Variants in GPM6A observed in about 807,000 individuals in gnomAD.
GPM6A encodes the protein neuronal membrane glycoprotein M6-a.
GPM6A carries 7 observed loss-of-function variants against 32.1 expected under a neutral mutation model. That is an observed-to-expected ratio of 0.22 (90% CI 0.12 to 0.41). The LOEUF (loss-of-function observed/expected upper bound fraction) is 0.41, where lower values mean the gene tolerates loss of function less well. Ranked by LOEUF, GPM6A falls within the 10% of genes least tolerant of loss-of-function variation. The pLI is 1.00. For missense variants in GPM6A, 235 were observed against 347.2 expected (o/e 0.68, Z 2.57); for synonymous variants, 130 against 123.4 (o/e 1.05, Z -0.35).
At chr4:175,919,375 C>T (rs906744401) in intron 1 of GPM6A, among the ~76,000 whole-genome samples, 7 of 152,062 alleles carry the variant, frequency 4.6e-5, no homozygotes, top group Non-Finnish European at 8.8e-5. Context: ...AGCAAGATCC[C>T]CGGCCAAAAA....
intron 1 of GPM6A, among the ~76,000 whole-genome samples, chr4:175,797,829 C>T (rs1734295674): frequency 6.6e-6 from 1 of 152,104 alleles, no homozygotes; most frequent in African/African-American, 2.4e-5. Context: ...TATTTCCTCT[C>T]AAATTTTGGG....
chr4:175,985,420 G>A (rs1740943931), intron 1 of GPM6A, among the ~76,000 whole-genome samples: 1 of 152,146 alleles, frequency 6.6e-6, no homozygotes. Flanking sequence ...AATACATGTT[G>A]ACCTATGCCA....
intron 1 of GPM6A, among the ~76,000 whole-genome samples, chr4:175,715,988 C>A (rs973365765): frequency 6.6e-6 from 1 of 152,118 alleles, no homozygotes; most frequent in Admixed American, 6.6e-5. Context: ...TAGCTTGAAC[C>A]TGGGAGGAGG....
chr4:175,951,556 T>C (rs1457952979), intron 1 of GPM6A, among the ~76,000 whole-genome samples: 1 of 152,206 alleles, frequency 6.6e-6, no homozygotes, highest in Non-Finnish European at 1.5e-5. Flanking sequence ...GAATACCATC[T>C]ACCTTGAAAG....
At chr4:175,797,315 T>C (rs1734272231) in intron 1 of GPM6A, among the ~76,000 whole-genome samples, 1 of 152,212 alleles carries the variant, frequency 6.6e-6, no homozygotes, top group Admixed American at 6.5e-5. Context: ...ATATTAAGAG[T>C]TAGTGTTCAT....
intron 1 of GPM6A, among the ~76,000 whole-genome samples, chr4:175,716,662 G>A (rs1287049371): frequency 6.6e-6 from 1 of 152,078 alleles, no homozygotes; most frequent in East Asian, 1.9e-4. Context: ...CAACAACAGA[G>A]AAAGAGTTAC....
chr4:175,788,347 A>G (rs1423059003), intron 1 of GPM6A, among the ~76,000 whole-genome samples: 3 of 152,228 alleles, frequency 2.0e-5, no homozygotes, highest in Non-Finnish European at 4.4e-5. Context: ...ATGTATTTTC[A>G]ATCCTGAAAT....
intron 6 of GPM6A, among the ~76,000 whole-genome samples, chr4:175,636,839 AATATATATTTTTATATT>A (rs1740646899): frequency 6.9e-6 from 1 of 144,284 alleles, no homozygotes; most frequent in Non-Finnish European, 1.5e-5. Flanking sequence ...TTATATATAA[AATATATATTTTTATATT>A]ATATATATTT....
chr4:175,649,471 T>C (rs1024042774), intron 4 of GPM6A, among the ~76,000 whole-genome samples: 2 of 152,190 alleles, frequency 1.3e-5, no homozygotes, highest in African/African-American at 4.8e-5. Flanking sequence ...TAAATATTAT[T>C]TTTCTAGAGT....
rs577676645 is a variant in GPM6A, at chr4:175,697,220, G to A, written c.230+4355C>T. ...GCCAAGTCACTTAGCAAAATTAGTGGTTTGGATTTCTGTATGATATCTAAT... is the reference window on the plus strand; with the variant it reads ...GCCAAGTCACTTAGCAAAATTAGTGATTTGGATTTCTGTATGATATCTAAT... On this transcript the variant is annotated intron_variant, in intron 2 of 6. Coordinates refer to ENST00000393658, the MANE Select transcript of GPM6A (RefSeq NM_201591.3). Among the ~76,000 whole-genome samples, 10 of 152,240 alleles carry A rather than the reference G, an allele frequency of 6.6e-5. No individual in the cohort carries two copies. The East Asian group carries it at 1.9e-3, about 29-fold the overall frequency.
At chr4:175,746,091 T>C (rs762876820) in intron 1 of GPM6A, among the ~76,000 whole-genome samples, 21 of 152,132 alleles carry the variant, frequency 1.4e-4, no homozygotes, top group East Asian at 1.9e-4. Flanking sequence ...AAACTGAAAG[T>C]GGACATTTTG....
intron 1 of GPM6A, among the ~76,000 whole-genome samples, chr4:175,956,095 C>T (rs574344505): frequency 3.3e-5 from 5 of 152,114 alleles, no homozygotes; most frequent in Admixed American, 2.0e-4. Flanking sequence ...AGTGCACGTG[C>T]GTCGTACAAA....
At chr4:175,698,721 C>T (rs974625550) in intron 2 of GPM6A, among the ~76,000 whole-genome samples, 13 of 152,108 alleles carry the variant, frequency 8.5e-5, no homozygotes, top group South Asian at 4.1e-4. Context: ...AATATGAAAA[C>T]AGAGATAATT....
At chr4:175,811,172 C>G (rs953582008) in intron 1 of GPM6A, among the ~76,000 whole-genome samples, 3 of 152,010 alleles carry the variant, frequency 2.0e-5, no homozygotes, top group African/African-American at 7.2e-5. Flanking sequence ...TGCTTCCACC[C>G]TATATATTTT....
At chr4:175,896,235 T>A (rs1239814102) in intron 1 of GPM6A, among the ~76,000 whole-genome samples, 2 of 152,088 alleles carry the variant, frequency 1.3e-5, no homozygotes, top group African/African-American at 4.8e-5. Flanking sequence ...GATGGTAAGA[T>A]CCCACATCGT....
intron 1 of GPM6A, among the ~76,000 whole-genome samples, chr4:175,776,889 T>A (rs1158951708): frequency 1.3e-5 from 2 of 152,090 alleles, no homozygotes; most frequent in South Asian, 2.1e-4. Flanking sequence ...AGTCTCCAAA[T>A]CTCATAGTGT....
intron 1 of GPM6A, among the ~76,000 whole-genome samples, chr4:175,789,244 A>G (rs1280681353): frequency 2.0e-5 from 3 of 152,216 alleles, no homozygotes; most frequent in African/African-American, 7.2e-5. Context: ...TTTTGGAATA[A>G]ATGTGTTCTA....
At chr4:175,745,630 C>T (rs1403901213) in intron 1 of GPM6A, among the ~76,000 whole-genome samples, 2 of 152,030 alleles carry the variant, frequency 1.3e-5, no homozygotes, top group South Asian at 2.1e-4. Flanking sequence ...ATCCTCATAA[C>T]GAGAACATTA....
chr4:175,843,027 T>C (rs1735986922), intron 1 of GPM6A, among the ~76,000 whole-genome samples: 1 of 151,364 alleles, frequency 6.6e-6, no homozygotes, highest in Non-Finnish European at 1.5e-5. Flanking sequence ...ACATTACATA[T>C]TTTATATGTA....
Sources: allele counts gnomAD v4.1 joint callset (sites outside exome capture counted in the v4.1 genomes callset), GRCh38; gene constraint gnomAD v4.1.1; transcripts MANE v1.5; gene names NCBI Gene and HGNC (gene_info 2026-07-23, HGNC 2026-07-21).